Variants in TESMIN observed in about 807,000 individuals in gnomAD.
The protein encoded by TESMIN is testis expressed metallothionein like protein.
TESMIN carries 34 observed loss-of-function variants against 47.4 expected under a neutral mutation model. That is an observed-to-expected ratio of 0.72 (90% confidence interval 0.55 to 0.96). TESMIN has a LOEUF of 0.96. Ranked by LOEUF, TESMIN falls within the 40% of genes least tolerant of loss-of-function variation. TESMIN has a pLI of 0.00. For missense variants in TESMIN, 610 were observed against 637.2 expected (o/e 0.96, Z 0.46); for synonymous variants, 278 against 258.9 (o/e 1.07, Z -0.71).
At chr11:68,732,304 A>C (rs1946337317) in intron 6 of TESMIN, among the ~76,000 whole-genome samples, 1 of 152,222 alleles carries the variant, frequency 6.6e-6, no homozygotes, top group African/African-American at 2.4e-5. Flanking sequence ...GCTTCTAGAC[A>C]AGAAGCTGTT....
chr11:68,737,047 G>A, intron 6 of TESMIN: 2 of 985,382 alleles, frequency 2.0e-6, no homozygotes, highest in South Asian at 4.7e-5. Context: ...CAATACTATT[G>A]ACCAGATGCC....
At chr11:68,710,646 A>G in intron 9 of TESMIN, 2 of 502,648 alleles carry the variant, frequency 4.0e-6, no homozygotes, top group Non-Finnish European at 3.5e-6. Flanking sequence ...GACAGTGAGG[A>G]TGAGAAGACA....
At chr11:68,726,905 C>T (rs935695111) in intron 6 of TESMIN, among the ~76,000 whole-genome samples, 4 of 151,290 alleles carry the variant, frequency 2.6e-5, no homozygotes, top group African/African-American at 9.7e-5. Context: ...TAATGAGACC[C>T]TATTTCTAAA....
chr11:68,741,117 C>G (rs1158307993), intron 5 of TESMIN, among the ~76,000 whole-genome samples: 1 of 152,158 alleles, frequency 6.6e-6, no homozygotes. Context: ...TCTGAGCGAT[C>G]ATCTCTCCCC....
intron 2 of TESMIN, among the ~76,000 whole-genome samples, chr11:68,749,467 C>A (rs1946562099): frequency 6.6e-6 from 1 of 152,198 alleles, no homozygotes; most frequent in Non-Finnish European, 1.5e-5. Flanking sequence ...TGAGCTGGGT[C>A]CTTTTTGAGG....
intron 6 of TESMIN, among the ~76,000 whole-genome samples, chr11:68,723,329 G>A (rs978498132): frequency 6.6e-6 from 1 of 151,576 alleles, no homozygotes; most frequent in Non-Finnish European, 1.5e-5. Context: ...AATAACTCAT[G>A]AGGTAAAGAG....
At chr11:68,718,204 G>C (rs1179646688) in intron 6 of TESMIN, among the ~76,000 whole-genome samples, 1 of 35,496 alleles carries the variant, frequency 2.8e-5, no homozygotes, top group African/African-American at 7.5e-5. Flanking sequence ...TCTTAAGTAT[G>C]AGCAGAGTGA....
chr11:68,750,582 G>A lies in TESMIN; in HGVS notation c.79C>T (p.Pro27Ser), dbSNP rs2153993694. 1 of 1,607,240 alleles carries A rather than the reference G, an allele frequency of 6.2e-7. No homozygotes were observed. Among genetic ancestry groups the A allele is most frequent in the Non-Finnish European group, 8.5e-7 (1 of 1,177,708 alleles). ...MVTELLSPEG[P>S]FASENIGLKA... ...AGGCCGATGTTCTCCGAAGCGAACG[G>A]ACCCTCGGGGCTTAAGAGCTCCGTC... Residue 27 changes from proline to serine, a missense_variant, in exon 2 of 10, where the codon CCG becomes TCG. By Grantham distance (74) the Pro-to-Ser change is moderately conservative (BLOSUM62 -1). Transcript: ENST00000255087.
At position 68,708,540 on chromosome 11, in the gene TESMIN, A is replaced by G. The variant is rs1021263135; in HGVS notation, c.1335-40T>C. 4 of 1,515,532 alleles carry G rather than the reference A, an allele frequency of 2.6e-6. No individual in the cohort carries two copies. In the Admixed American group the frequency reaches 6.2e-5, roughly 23 times the overall value. 93.9% of individuals were successfully genotyped at this position (1,515,532 alleles called of 1,614,324 possible). On this transcript the variant is annotated intron_variant, in intron 9 of 9. Transcript: ENST00000255087. Reference sequence around the variant, plus strand: ...GCAGTTAAAGGCCGCTCAACAGTGCACCATTTCTACCTACAGTACTATTTA... The same window carrying G: ...GCAGTTAAAGGCCGCTCAACAGTGCGCCATTTCTACCTACAGTACTATTTA...
chr11:68,742,820 T>G (rs930970736), intron 4 of TESMIN, among the ~76,000 whole-genome samples: 7 of 152,128 alleles, frequency 4.6e-5, no homozygotes, highest in Non-Finnish European at 1.0e-4. Flanking sequence ...GCCTCCTAAG[T>G]AGCTGAGCCT....
At chr11:68,731,257 C>T (rs944867257) in intron 6 of TESMIN, among the ~76,000 whole-genome samples, 1 of 151,944 alleles carries the variant, frequency 6.6e-6, no homozygotes, top group Admixed American at 6.6e-5. Flanking sequence ...CCCATGCCAT[C>T]GCTAAAAACA....
chr11:68,709,345 GCC>G (rs1946035159), intron 9 of TESMIN, among the ~76,000 whole-genome samples: 1 of 152,214 alleles, frequency 6.6e-6, no homozygotes, highest in African/African-American at 2.4e-5. Flanking sequence ...CTGGGTGTCT[GCC>G]TGTCCTCCCC....
At chr11:68,705,788 C>G (rs952428472), downstream of TESMIN, among the ~76,000 whole-genome samples, 1 of 151,912 alleles carries the variant, frequency 6.6e-6, no homozygotes, top group Non-Finnish European at 1.5e-5. Context: ...TTTGGGAGGC[C>G]CAGGGGGGCG....
At chr11:68,747,052 G>C in intron 3 of TESMIN, 156 bp downstream of exon 3, 1 of 702,454 alleles carries the variant, frequency 1.4e-6, no homozygotes, top group East Asian at 2.7e-5. Flanking sequence ...AGATGTGAAA[G>C]GCTCATGTCC....
Position 68,707,896 on chromosome 11 carries a change from C to A in TESMIN, c.*412G>T. The A allele has an allele frequency of 2.2e-6, 1 of 462,536 alleles. No individual in the cohort carries two copies. The allele number at this position is 462,536 out of a possible 1,614,324, so 28.7% of individuals were successfully genotyped here. A position where few individuals can be genotyped will look rare whatever the true frequency, so the allele number is the denominator to read the frequency against. On this transcript the variant is annotated 3_prime_UTR_variant, in exon 10 of 10. Transcript: ENST00000255087. The stretch of plus-strand genomic sequence containing the variant: ...ACAAACAAGAAACCATTAGGGTTTT[C>A]ATGCAGAGCAGCCTCCAGAGCAACA...
chr11:68,745,317 AAAAG>A (rs1157332488), intron 3 of TESMIN, among the ~76,000 whole-genome samples: 5 of 151,790 alleles, frequency 3.3e-5, no homozygotes, highest in Non-Finnish European at 7.4e-5. Flanking sequence ...AAAAAAAAAA[AAAAG>A]AAAAACCCAG....
At chr11:68,736,645 C>T (rs1369419812) in intron 6 of TESMIN, 2 of 984,020 alleles carry the variant, frequency 2.0e-6, no homozygotes, top group African/African-American at 3.5e-5. Flanking sequence ...ATACACATCT[C>T]ATGTTTTTCC....
chr11:68,735,777 A>G (rs1208527626), intron 6 of TESMIN, among the ~76,000 whole-genome samples: 1 of 152,246 alleles, frequency 6.6e-6, no homozygotes, highest in Non-Finnish European at 1.5e-5. Context: ...TTCGGCACAG[A>G]TGGAAGAAGT....
intron 6 of TESMIN, among the ~76,000 whole-genome samples, chr11:68,717,966 T>C (rs1345236394): frequency 6.6e-6 from 1 of 152,212 alleles, no homozygotes; most frequent in African/African-American, 2.4e-5. Flanking sequence ...CTCTGAGGAC[T>C]CTGACCAGCC....
Sources: gnomAD v4.1 joint callset for allele counts (sites outside exome capture counted in the v4.1 genomes callset) on GRCh38, gnomAD v4.1.1 for gene constraint, MANE v1.5 for transcripts, NCBI Gene and HGNC (gene_info 2026-07-23, HGNC 2026-07-21) for gene names.